The following COL14A1 variants were observed in gnomAD, a reference collection of about 807,000 sequenced individuals.
The protein encoded by COL14A1 is collagen type XIV alpha 1 chain, also known as collagen alpha-1(XIV) chain.
In COL14A1, 136 loss-of-function variants were observed where a neutral mutation model predicts 230.3. The ratio of observed to expected loss-of-function variants is 0.59; its 90% CI spans 0.51 to 0.68. The LOEUF (loss-of-function observed/expected upper bound fraction) is 0.68, where lower values mean the gene tolerates loss of function less well. COL14A1 is among the 30% of genes least tolerant of loss of function. The pLI, the probability that COL14A1 is intolerant of heterozygous loss-of-function variation, is 0.00. For missense variants in COL14A1, 1,976 were observed against 2,215.8 expected, an observed-to-expected ratio of 0.89 and a Z score of 2.17; for synonymous variants, 792 against 784.1, an observed-to-expected ratio of 1.01 and a Z score of -0.17.
chr8:120,347,620 T>A (rs1019189754), intron 45 of COL14A1, among the ~76,000 whole-genome samples: 2 of 152,162 alleles, frequency 1.3e-5, no homozygotes, highest in Non-Finnish European at 2.9e-5. Context: ...GTCTTTCCAC[T>A]AAGTCAAAAC....
chr8:120,158,409 C>T (rs1311874386), intron 3 of COL14A1, among the ~76,000 whole-genome samples, 163 bp downstream of exon 3: 1 of 152,116 alleles, frequency 6.6e-6, no homozygotes, highest in Non-Finnish European at 1.5e-5. Context: ...TAATAATGTT[C>T]CCCAAAGAGT....
intron 1 of COL14A1, among the ~76,000 whole-genome samples, chr8:120,134,795 C>T (rs555844757): frequency 3.1e-4 from 47 of 152,014 alleles, no homozygotes; most frequent in African/African-American, 1.0e-3. Flanking sequence ...GCCAACATGG[C>T]GAAACCCTGT....
chr8:120,230,783 A>T (rs1265285742), intron 18 of COL14A1, among the ~76,000 whole-genome samples: 2 of 152,230 alleles, frequency 1.3e-5, no homozygotes, highest in Non-Finnish European at 2.9e-5. Context: ...ATGAATGAAG[A>T]GAAAGGAGAA....
At chr8:120,238,517 A>G (rs1365788158) in intron 19 of COL14A1, among the ~76,000 whole-genome samples, 1 of 152,178 alleles carries the variant, frequency 6.6e-6, no homozygotes, top group East Asian at 1.9e-4. Context: ...CGAGAATTTC[A>G]AGACAGTGGA....
chr8:120,226,308 A>T (rs1436818979), intron 15 of COL14A1, among the ~76,000 whole-genome samples: 4 of 146,842 alleles, frequency 2.7e-5, no homozygotes, highest in Admixed American at 6.7e-5. Context: ...AATAATATTT[A>T]AAAAAAAAAT....
intron 1 of COL14A1, among the ~76,000 whole-genome samples, chr8:120,134,786 C>G (rs1394282879): frequency 1.3e-5 from 2 of 152,076 alleles, no homozygotes; most frequent in African/African-American, 4.8e-5. Flanking sequence ...ACCAGCCTGG[C>G]CAACATGGCG....
intron 45 of COL14A1, among the ~76,000 whole-genome samples, chr8:120,347,178 T>C (rs1289051527): frequency 6.6e-6 from 1 of 152,082 alleles, no homozygotes; most frequent in African/African-American, 2.4e-5. Flanking sequence ...AGACCGAGTC[T>C]CTCCTGCTCT....
At chr8:120,298,638 T>TACAC (rs1554620763) in intron 35 of COL14A1, among the ~76,000 whole-genome samples, 7 of 118,906 alleles carry the variant, frequency 5.9e-5, no homozygotes, top group African/African-American at 9.7e-5. Flanking sequence ...TATATATATA[T>TACAC]ACAAAAATAC....
At chr8:120,300,582 A>C in intron 35 of COL14A1, 150 bp from the exon 36 acceptor site, 1 of 653,614 alleles carries the variant, frequency 1.5e-6, no homozygotes, top group Non-Finnish European at 2.7e-6. Context: ...TACAGAAAAG[A>C]TTTTGTAATC....
chr8:120,212,395 C>T, intron 12 of COL14A1, 53 bp from the exon 13 acceptor site: 1 of 1,593,538 alleles, frequency 6.3e-7, no homozygotes, highest in Non-Finnish European at 8.6e-7. Flanking sequence ...CCACTCTGAT[C>T]AGCATGAATA....
intron 1 of COL14A1, among the ~76,000 whole-genome samples, chr8:120,141,630 G>A (rs912045649): frequency 1.6e-4 from 25 of 152,000 alleles, no homozygotes; most frequent in African/African-American, 6.0e-4. Flanking sequence ...ATAATGCCCA[G>A]TTTCCAAAAA....
chr8:120,166,922 G>GTGTGTGTGTGTGTGTGTGT (rs1217998586), intron 4 of COL14A1, among the ~76,000 whole-genome samples: 1 of 134,410 alleles, frequency 7.4e-6, no homozygotes, highest in African/African-American at 2.9e-5. Context: ...GTGTGTGTGT[G>GTGTGTGTGTGTGTGTGTGT]GTGGTGATGA....
chr8:120,247,840 T>C, intron 21 of COL14A1, 105 bp downstream of exon 21: 5 of 1,385,820 alleles, frequency 3.6e-6, no homozygotes, highest in Non-Finnish European at 3.0e-6. Context: ...TTGTATTTTT[T>C]TAAAGAAGTA....
chr8:120,273,426 A>G (rs534452267), intron 26 of COL14A1, among the ~76,000 whole-genome samples: 3 of 151,958 alleles, frequency 2.0e-5, no homozygotes, highest in East Asian at 3.9e-4. Flanking sequence ...TAGCAGAAGA[A>G]AAGAAATAAC....
intron 33 of COL14A1, among the ~76,000 whole-genome samples, chr8:120,286,842 G>C (rs1307817796): frequency 6.6e-6 from 1 of 152,106 alleles, no homozygotes; most frequent in African/African-American, 2.4e-5. Flanking sequence ...AGCACTTGTG[G>C]TATAACTATG....
At position 120,245,564 on chromosome 8, in the gene COL14A1, A is replaced by AT. The variant is rs527631208; in HGVS notation, c.2479+1565dup. 8.4e-3 allele frequency among the ~76,000 whole-genome samples: 1,278 copies of AT among 151,656 alleles called. 17 individuals are homozygous for AT. Among genetic ancestry groups the AT allele is most frequent in the African/African-American group, 0.028 (1,142 of 41,366 alleles). On this transcript the variant is annotated intron_variant, in intron 20 of 47. Transcript: ENST00000297848. The stretch of plus-strand genomic sequence containing the variant: ...AACTTAATGGCTTAAAACAGTGACC[A>AT]TTTTTTTTTATCATATCTCACAATT...
At chr8:120,226,795 A>T in intron 16 of COL14A1, 29 bp downstream of exon 16, 1 of 1,607,764 alleles carries the variant, frequency 6.2e-7, no homozygotes, top group Admixed American at 1.7e-5. Flanking sequence ...ACTGAAAATT[A>T]ATCTGGAGCA....
chr8:120,309,134 ACCGTG>A (rs1028427761), intron 36 of COL14A1, among the ~76,000 whole-genome samples: 68 of 152,192 alleles, frequency 4.5e-4, no homozygotes, highest in African/African-American at 1.6e-3. Flanking sequence ...ACGGTGTTTC[ACCGTG>A]TTAGCCAGGA....
At chr8:120,207,788 A>G (rs904427486) in intron 10 of COL14A1, among the ~76,000 whole-genome samples, 3 of 151,630 alleles carry the variant, frequency 2.0e-5, no homozygotes, top group African/African-American at 4.9e-5. Context: ...AGGATTTATG[A>G]TATTTTTTAA....
Sources: gnomAD v4.1 joint callset for allele counts (sites outside exome capture counted in the v4.1 genomes callset) on GRCh38, gnomAD v4.1.1 for gene constraint, MANE v1.5 for transcripts, NCBI Gene and HGNC (gene_info 2026-07-23, HGNC 2026-07-21) for gene names.